The following MAGI2 variants were observed in gnomAD, a reference collection of about 807,000 sequenced individuals.
The protein encoded by MAGI2 is membrane-associated guanylate kinase, WW and PDZ domain-containing protein 2.
A neutral mutation model predicts 133.3 loss-of-function variants in MAGI2; 35 were observed. That is an observed-to-expected ratio of 0.26 (90% CI 0.20 to 0.35). The LOEUF (loss-of-function observed/expected upper bound fraction) is 0.35. Ranked by LOEUF, MAGI2 falls within the 10% of genes least tolerant of loss-of-function variation. The pLI is 1.00. For synonymous variants in MAGI2, 729 were observed against 710.6 expected (o/e 1.03, Z -0.41); for missense variants, 1,636 against 1,863.4 (o/e 0.88, Z 2.25).
At chr7:78,388,373 GAA>G (rs1317271218) in intron 6 of MAGI2, among the ~76,000 whole-genome samples, 2 of 152,138 alleles carry the variant, frequency 1.3e-5, no homozygotes, top group African/African-American at 4.8e-5. Flanking sequence ...AGTGAATGAT[GAA>G]GACATTGGGT....
chr7:78,917,007 G>A (rs554428236), intron 2 of MAGI2, among the ~76,000 whole-genome samples: 1 of 152,106 alleles, frequency 6.6e-6, no homozygotes, highest in East Asian at 1.9e-4. Context: ...GTGAGAAGGA[G>A]GTAAAGAGAG....
At chr7:78,610,884 A>T (rs1461596884) in intron 3 of MAGI2, among the ~76,000 whole-genome samples, 1 of 152,194 alleles carries the variant, frequency 6.6e-6, no homozygotes, top group Non-Finnish European at 1.5e-5. Flanking sequence ...TCTAGACTTT[A>T]TTTGACTGAA....
chr7:79,201,561 T>C (rs1828618828), intron 1 of MAGI2, among the ~76,000 whole-genome samples: 1 of 151,936 alleles, frequency 6.6e-6, no homozygotes, highest in Non-Finnish European at 1.5e-5. Flanking sequence ...TCTTGGGATC[T>C]GTTGACCTGA....
chr7:79,307,039 C>A (rs940554749), intron 1 of MAGI2, among the ~76,000 whole-genome samples: 1 of 152,046 alleles, frequency 6.6e-6, no homozygotes, highest in African/African-American at 2.4e-5. Flanking sequence ...TTTGAGGCTG[C>A]CAGGATGAAT....
intron 2 of MAGI2, among the ~76,000 whole-genome samples, chr7:78,866,185 A>T (rs1794537789): frequency 6.6e-6 from 1 of 152,196 alleles, no homozygotes; most frequent in Admixed American, 6.5e-5. Context: ...GCTTGTGCTA[A>T]CCTTACTGCT....
intron 1 of MAGI2, among the ~76,000 whole-genome samples, chr7:79,185,993 G>T (rs533158546): frequency 1.8e-4 from 27 of 151,548 alleles, no homozygotes; most frequent in African/African-American, 5.8e-4. Context: ...TTGTAAAACT[G>T]TCAGATCTAA....
chr7:78,788,387 T>C (rs1370266888), intron 2 of MAGI2, among the ~76,000 whole-genome samples: 1 of 152,220 alleles, frequency 6.6e-6, no homozygotes, highest in African/African-American at 2.4e-5. Context: ...ATCTTTCCCA[T>C]AGCTTTCAGG....
At chr7:78,351,536 G>A (rs1161434186) in intron 7 of MAGI2, among the ~76,000 whole-genome samples, 1 of 151,802 alleles carries the variant, frequency 6.6e-6, no homozygotes, top group African/African-American at 2.4e-5. Flanking sequence ...GGCTCAGGAT[G>A]ACCACAATGC....
intron 9 of MAGI2, among the ~76,000 whole-genome samples, chr7:78,330,505 T>C (rs1254480480): frequency 1.2e-5 from 1 of 86,036 alleles, no homozygotes; most frequent in Non-Finnish European, 2.4e-5. Context: ...TAGTCCCAGC[T>C]ACTCCGGAGG....
intron 20 of MAGI2, among the ~76,000 whole-genome samples, chr7:78,117,980 C>T (rs191952090): frequency 1.3e-5 from 2 of 152,232 alleles, no homozygotes; most frequent in East Asian, 3.9e-4. Context: ...GTAATCAGGA[C>T]AGTGTGGTAT....
At position 78,107,617 on chromosome 7, in the gene MAGI2, T is replaced by TTA. The variant is rs1818828826; in HGVS notation, c.3567+18075_3567+18076dup. On this transcript the variant is annotated intron_variant, in intron 20 of 21. Transcript: ENST00000354212. ...TTATTTGAAGCTTTTGTAAATGAGA[T>TTA]TACTTTCTTGGTTTCTTTTTCAGAT... Among the ~76,000 whole-genome samples, 7 of 152,132 alleles carry TTA rather than the reference T, an allele frequency of 4.6e-5. No individual in the cohort carries two copies. The South Asian group carries it at 1.5e-3, about 32-fold the overall frequency.
intron 9 of MAGI2, among the ~76,000 whole-genome samples, chr7:78,328,853 A>G (rs1482196955): frequency 1.3e-5 from 2 of 152,214 alleles, no homozygotes; most frequent in Non-Finnish European, 2.9e-5. Context: ...ACAAAGAAGT[A>G]AGAGGAGTGA....
In MAGI2 at chr7:79,294,870, C is replaced by T. The variant is rs553824366; in HGVS notation, c.301+158150G>A. Among the ~76,000 whole-genome samples the T allele has an allele frequency of 2.6e-5, 4 of 151,356 alleles. No individual in the cohort carries two copies. The East Asian group carries it at 5.9e-4, about 22-fold the overall frequency. On this transcript the variant is annotated intron_variant, in intron 1 of 21. Transcript: ENST00000354212. The stretch of plus-strand genomic sequence containing the variant: ...TCAGCCTTCTGAGTAGCTGGGACTA[C>T]AGGCGCCCGCCACCACTCCCGGCTA...
chr7:78,575,111 G>A (rs529082091), intron 3 of MAGI2, among the ~76,000 whole-genome samples: 71 of 151,900 alleles, frequency 4.7e-4, no homozygotes, highest in African/African-American at 1.6e-3. Context: ...TAACAACACA[G>A]GGTTGCCACA....
At chr7:78,756,234 G>A (rs1823932096) in intron 2 of MAGI2, among the ~76,000 whole-genome samples, 1 of 152,134 alleles carries the variant, frequency 6.6e-6, no homozygotes, top group Admixed American at 6.6e-5. Context: ...CCAGCCAAGT[G>A]GGGATCCAAG....
intron 18 of MAGI2, among the ~76,000 whole-genome samples, chr7:78,131,813 T>C (rs947062100): frequency 2.0e-5 from 3 of 152,210 alleles, no homozygotes; most frequent in African/African-American, 4.8e-5. Flanking sequence ...ATGTGTGGAA[T>C]AGAAGAACCT....
intron 7 of MAGI2, among the ~76,000 whole-genome samples, chr7:78,349,216 G>A (rs1791234329): frequency 6.6e-6 from 1 of 152,116 alleles, no homozygotes. Context: ...TCTGTATTGA[G>A]CATCTAATAC....
intron 1 of MAGI2, among the ~76,000 whole-genome samples, chr7:79,167,218 T>C (rs1825022434): frequency 6.6e-6 from 1 of 152,000 alleles, no homozygotes; most frequent in East Asian, 1.9e-4. Flanking sequence ...GAGAAAATCC[T>C]TTTTCGCCTC....
At chr7:78,969,682 C>T (rs1803623624) in intron 2 of MAGI2, among the ~76,000 whole-genome samples, 1 of 151,996 alleles carries the variant, frequency 6.6e-6, no homozygotes. Context: ...TGATACTTAA[C>T]CCTACATTTG....
Sources: gnomAD v4.1 joint callset for allele counts (sites outside exome capture counted in the v4.1 genomes callset) on GRCh38, gnomAD v4.1.1 for gene constraint, MANE v1.5 for transcripts, NCBI Gene and HGNC (gene_info 2026-07-23, HGNC 2026-07-21) for gene names.